Variants in PRDM5 observed in about 807,000 individuals in gnomAD.
PRDM5 encodes PR/SET domain 5, also known as PR domain zinc finger protein 5.
Under a neutral mutation model 81.2 loss-of-function variants are expected in PRDM5, and 56 were observed. The observed-to-expected ratio is 0.69, with a 90% CI of 0.56 to 0.86. The LOEUF (loss-of-function observed/expected upper bound fraction) is 0.86. PRDM5 is among the 40% of genes least tolerant of loss of function. The probability of loss-of-function intolerance (pLI) is 0.00; values close to 1 mark genes in which losing one functional copy is unlikely to be tolerated. For synonymous variants in PRDM5, 267 were observed against 256.4 expected (o/e 1.04, Z -0.39); for missense variants, 697 against 770.1 (o/e 0.91, Z 1.12).
intron 14 of PRDM5, among the ~76,000 whole-genome samples, chr4:120,730,471 T>A (rs890110874): frequency 1.3e-5 from 2 of 152,198 alleles, no homozygotes; most frequent in Non-Finnish European, 1.5e-5. Context: ...ATTAATGGGA[T>A]CTTCATACAG....
intron 2 of PRDM5, among the ~76,000 whole-genome samples, chr4:120,868,854 A>T (rs1327647488): frequency 6.6e-6 from 1 of 152,168 alleles, no homozygotes; most frequent in African/African-American, 2.4e-5. Flanking sequence ...ATAGATAAAA[A>T]TAAGGCATTT....
At chr4:120,900,814 G>A (rs1765147378) in intron 2 of PRDM5, among the ~76,000 whole-genome samples, 3 of 151,978 alleles carry the variant, frequency 2.0e-5, no homozygotes. Flanking sequence ...GTTTTGGGGG[G>A]TATTTATTGC....
intron 1 of PRDM5, among the ~76,000 whole-genome samples, chr4:120,910,906 G>C (rs1766428267): frequency 6.6e-6 from 1 of 152,154 alleles, no homozygotes; most frequent in Non-Finnish European, 1.5e-5. Context: ...TAATAAACCT[G>C]CTGAAGATTT....
intron 13 of PRDM5, among the ~76,000 whole-genome samples, chr4:120,756,307 C>T (rs151076689): frequency 3.3e-5 from 5 of 152,214 alleles, no homozygotes; most frequent in South Asian, 4.1e-4. Flanking sequence ...TTTGAATTTG[C>T]GGTATTTATC....
At position 120,696,162 on chromosome 4, in the gene PRDM5, G is replaced by T. The variant is rs78732146; in HGVS notation, c.1729-887C>A. On this transcript the variant is annotated intron_variant, in intron 15 of 15. Coordinates refer to ENST00000264808, the MANE Select transcript of PRDM5 (RefSeq NM_018699.4). ...CTCAGGGCCCTAATTGGGTAAGAAGGGGGTAATCCAATAATAATGAATTTT... is the reference window on the plus strand; with the variant it reads ...CTCAGGGCCCTAATTGGGTAAGAAGTGGGTAATCCAATAATAATGAATTTT... Among the ~76,000 whole-genome samples, 929 of 152,106 alleles carry T rather than the reference G, an allele frequency of 6.1e-3. 13 individuals carry two copies. Among genetic ancestry groups the T allele is most frequent in the African/African-American group, 0.021 (890 of 41,496 alleles).
intron 2 of PRDM5, among the ~76,000 whole-genome samples, chr4:120,884,922 G>A (rs1389004597): frequency 2.6e-5 from 4 of 151,652 alleles, no homozygotes; most frequent in Admixed American, 2.0e-4. Context: ...CCAGCGAGTC[G>A]GGTGGATCAC....
At chr4:120,709,631 G>GT (rs1000374995) in intron 15 of PRDM5, among the ~76,000 whole-genome samples, 2 of 152,094 alleles carry the variant, frequency 1.3e-5, no homozygotes, top group Non-Finnish European at 2.9e-5. Flanking sequence ...CAGCTTTAAT[G>GT]TTTTTTCTTA....
chr4:120,902,913 T>C (rs112506875), intron 2 of PRDM5, among the ~76,000 whole-genome samples: 9 of 152,238 alleles, frequency 5.9e-5, no homozygotes, highest in African/African-American at 2.2e-4. Flanking sequence ...TCATACCCTG[T>C]CCCAAGCTCA....
intron 5 of PRDM5, among the ~76,000 whole-genome samples, 162 bp from the exon 6 acceptor site, chr4:120,817,086 T>C (rs1267554863): frequency 6.6e-6 from 1 of 152,228 alleles, no homozygotes; most frequent in African/African-American, 2.4e-5. Context: ...TATAAGCTCT[T>C]GCTCAGCAGT....
At position 120,759,439 on chromosome 4, in the gene PRDM5, C is replaced by T. The variant is rs955159745; in HGVS notation, c.1538-4801G>A. Among the ~76,000 whole-genome samples the T allele has an allele frequency of 4.6e-5, 7 of 152,258 alleles. No individual in the cohort carries two copies. In the South Asian group the frequency reaches 1.2e-3, roughly 27 times the overall value. ...TCCGAGGACAAAGCTATCTGCTGTCCCACACAATCGGAACCTGAAGGTTAC... is the reference window on the plus strand; with the variant it reads ...TCCGAGGACAAAGCTATCTGCTGTCTCACACAATCGGAACCTGAAGGTTAC... On this transcript the variant is annotated intron_variant, in intron 13 of 15. Coordinates refer to ENST00000264808, the MANE Select transcript of PRDM5 (RefSeq NM_018699.4).
At chr4:120,711,394 G>A (rs933564594) in intron 14 of PRDM5, among the ~76,000 whole-genome samples, 15 of 151,892 alleles carry the variant, frequency 9.9e-5, no homozygotes, top group African/African-American at 3.4e-4. Context: ...TGCCTCCCTA[G>A]TTCAAGCAAT....
At chr4:120,746,434 G>A (rs947364218) in intron 14 of PRDM5, among the ~76,000 whole-genome samples, 4 of 145,296 alleles carry the variant, frequency 2.8e-5, no homozygotes, top group African/African-American at 1.0e-4. Context: ...TGGACAAATG[G>A]GATCTAATTA....
intron 7 of PRDM5, among the ~76,000 whole-genome samples, chr4:120,814,671 C>G (rs774057361): frequency 2.6e-5 from 4 of 152,180 alleles, no homozygotes; most frequent in Non-Finnish European, 4.4e-5. Context: ...ATAAAGGATT[C>G]TACAACCATG....
intron 1 of PRDM5, among the ~76,000 whole-genome samples, chr4:120,685,754 C>A (rs1180502661): frequency 1.3e-5 from 2 of 152,078 alleles, no homozygotes; most frequent in African/African-American, 4.8e-5. Context: ...AAATTGACAT[C>A]ATTCAGTTAA....
chr4:120,908,184 T>C (rs900286238), intron 1 of PRDM5, among the ~76,000 whole-genome samples: 1 of 152,198 alleles, frequency 6.6e-6, no homozygotes, highest in African/African-American at 2.4e-5. Context: ...AATCTGGAAA[T>C]GGGCTGTCCT....
At chr4:120,836,993 C>T (rs1377802909) in intron 3 of PRDM5, among the ~76,000 whole-genome samples, 1 of 152,124 alleles carries the variant, frequency 6.6e-6, no homozygotes, top group African/African-American at 2.4e-5. Flanking sequence ...GTCAAATGTT[C>T]TGAGGCTATT....
At chr4:120,804,391 A>G (rs1180347836) in intron 8 of PRDM5, among the ~76,000 whole-genome samples, 1 of 152,224 alleles carries the variant, frequency 6.6e-6, no homozygotes, top group Non-Finnish European at 1.5e-5. Flanking sequence ...AATCAACAGA[A>G]CATACATTCT....
chr4:120,798,182 A>T (rs1578774180), intron 10 of PRDM5, 85 bp downstream of exon 10: 1 of 1,053,856 alleles, frequency 9.5e-7, no homozygotes, highest in East Asian at 2.7e-5. Flanking sequence ...TAGGCCCCAG[A>T]TGTACAAAAG....
intron 14 of PRDM5, among the ~76,000 whole-genome samples, chr4:120,747,315 G>T (rs1386829808): frequency 1.4e-5 from 2 of 147,144 alleles, no homozygotes; most frequent in African/African-American, 2.5e-5. Context: ...GGATAGCATT[G>T]GGAGATATAC....
Sources: allele counts gnomAD v4.1 joint callset (sites outside exome capture counted in the v4.1 genomes callset), GRCh38; gene constraint gnomAD v4.1.1; transcripts MANE v1.5; gene names NCBI Gene and HGNC (gene_info 2026-07-23, HGNC 2026-07-21).